The following GRIK1 variants were observed in gnomAD, a reference collection of about 807,000 sequenced individuals.
The protein encoded by GRIK1 is glutamate ionotropic receptor kainate type subunit 1.
Under a neutral mutation model 105.7 loss-of-function variants are expected in GRIK1, and 69 were observed. The ratio of observed to expected loss-of-function variants is 0.65; its 90% CI spans 0.54 to 0.80. GRIK1 has a LOEUF of 0.80. Among genes scored for constraint, GRIK1 ranks in the 30% least tolerant of loss-of-function variants. The pLI, the probability that GRIK1 is intolerant of heterozygous loss-of-function variation, is 0.00. For missense variants in GRIK1, 1,109 were observed against 1,167.3 expected (o/e 0.95, Z 0.73); for synonymous variants, 438 against 431.3 (o/e 1.02, Z -0.19).
chr21:29,732,888 A>G (rs1302184129), intron 1 of GRIK1, among the ~76,000 whole-genome samples: 1 of 152,186 alleles, frequency 6.6e-6, no homozygotes, highest in Non-Finnish European at 1.5e-5. Flanking sequence ...AACCAGCAAT[A>G]TCTGTGGTTA....
At chr21:29,876,867 A>G (rs907382354) in intron 1 of GRIK1, among the ~76,000 whole-genome samples, 3 of 152,144 alleles carry the variant, frequency 2.0e-5, no homozygotes, top group Non-Finnish European at 2.9e-5. Context: ...TGCTTCCTAG[A>G]AGAATCACTG....
At chr21:29,756,243 T>G (rs1195857905) in intron 1 of GRIK1, among the ~76,000 whole-genome samples, 1 of 151,850 alleles carries the variant, frequency 6.6e-6, no homozygotes, top group Non-Finnish European at 1.5e-5. Flanking sequence ...TTGTGTGGTG[T>G]AGTGGCGGGC....
intron 1 of GRIK1, among the ~76,000 whole-genome samples, chr21:29,938,950 A>C (rs2071871395): frequency 6.6e-6 from 1 of 152,090 alleles, no homozygotes; most frequent in Non-Finnish European, 1.5e-5. Flanking sequence ...AGATTCGTGC[A>C]TACTTGCCAG....
chr21:29,767,637 A>G (rs2065702457), intron 1 of GRIK1, among the ~76,000 whole-genome samples: 1 of 152,216 alleles, frequency 6.6e-6, no homozygotes, highest in African/African-American at 2.4e-5. Context: ...TACAGTAGGA[A>G]AGTCTCCAGC....
chr21:29,683,111 AT>A (rs1484718460), intron 3 of GRIK1, among the ~76,000 whole-genome samples: 1 of 152,212 alleles, frequency 6.6e-6, no homozygotes, highest in Non-Finnish European at 1.5e-5. Flanking sequence ...AATGGCTATT[AT>A]TAAAAAGTCA....
chr21:29,620,697 A>G (rs1473858699), intron 7 of GRIK1, among the ~76,000 whole-genome samples: 1 of 149,278 alleles, frequency 6.7e-6, no homozygotes, highest in African/African-American at 2.5e-5. Flanking sequence ...GGGGAAAGAC[A>G]CTGAAGTTAA....
At chr21:29,581,602 A>G in intron 12 of GRIK1, 59 bp from the exon 13 acceptor site, 1 of 943,974 alleles carries the variant, frequency 1.1e-6, no homozygotes, top group Non-Finnish European at 1.7e-6. Context: ...GACACCAGCA[A>G]AACCAAAACC....
intron 1 of GRIK1, among the ~76,000 whole-genome samples, chr21:29,738,516 TA>T (rs975400805): frequency 1.3e-5 from 2 of 152,184 alleles, no homozygotes; most frequent in African/African-American, 4.8e-5. Flanking sequence ...CTTGAAAGGG[TA>T]AAAGCAGAAA....
chr21:29,638,995 A>C (rs1311061965), intron 7 of GRIK1, among the ~76,000 whole-genome samples: 1 of 152,230 alleles, frequency 6.6e-6, no homozygotes, highest in African/African-American at 2.4e-5. Context: ...AAGTGTGATG[A>C]AATCTCAGAA....
chr21:29,816,996 AT>A (rs1792860124), intron 1 of GRIK1, among the ~76,000 whole-genome samples: 1 of 152,168 alleles, frequency 6.6e-6, no homozygotes, highest in South Asian at 2.1e-4. Flanking sequence ...AAATATGCTG[AT>A]TTGATCATTA....
At chr21:29,819,470 CTT>C (rs1228656078) in intron 1 of GRIK1, among the ~76,000 whole-genome samples, 1 of 151,576 alleles carries the variant, frequency 6.6e-6, no homozygotes, top group African/African-American at 2.4e-5. Flanking sequence ...ATGTTGTGTG[CTT>C]GTGTGTCTGT....
At chr21:29,670,229 C>G (rs776750945) in intron 4 of GRIK1, among the ~76,000 whole-genome samples, 1 of 152,130 alleles carries the variant, frequency 6.6e-6, no homozygotes, top group African/African-American at 2.4e-5. Flanking sequence ...AGCCTCACAG[C>G]CACTCTTAAC....
intron 4 of GRIK1, among the ~76,000 whole-genome samples, chr21:29,664,605 C>T (rs916764577): frequency 6.6e-6 from 1 of 151,452 alleles, no homozygotes. Flanking sequence ...GCACATAGAA[C>T]TCTACGGGCC....
Position 29,900,459 on chromosome 21 carries a change from C to CAAAAAAAAAAAAAAAAAAAAAAA in GRIK1, c.118+38923_118+38924insTTTTTTTTTTTTTTTTTTTTTTT, listed in dbSNP as rs746842761. On this transcript the variant is annotated intron_variant, in intron 1 of 17. Transcript: ENST00000327783. ...GAAGATCTACCAAACAAATGGAAAG[C>CAAAAAAAAAAAAAAAAAAAAAAA]AAGAAAAAAAAAAAAAAAAAGCAAG... is the stretch of plus-strand genomic sequence containing the variant. Among the ~76,000 whole-genome samples, 39 of 78,272 alleles carry CAAAAAAAAAAAAAAAAAAAAAAA rather than the reference C, an allele frequency of 5.0e-4. 2 individuals carry two copies. The highest frequency in any genetic ancestry group is 7.1e-4 in the African/African-American group (14 of 19,660). 51.3% of individuals were successfully genotyped at this position (78,272 alleles called of 152,430 possible).
chr21:29,640,279 C>T (rs1467228237), intron 7 of GRIK1, among the ~76,000 whole-genome samples: 3 of 152,100 alleles, frequency 2.0e-5, no homozygotes, highest in Non-Finnish European at 2.9e-5. Flanking sequence ...TGAAAAAACA[C>T]GTGCACTTTC....
At chr21:29,692,011 A>G (rs2063593656) in intron 2 of GRIK1, among the ~76,000 whole-genome samples, 1 of 152,198 alleles carries the variant, frequency 6.6e-6, no homozygotes, top group Non-Finnish European at 1.5e-5. Flanking sequence ...AAAGGAGAGT[A>G]TGGGAGTGTG....
intron 1 of GRIK1, among the ~76,000 whole-genome samples, chr21:29,928,419 C>A (rs557659327): frequency 1.3e-5 from 2 of 152,236 alleles, no homozygotes; most frequent in South Asian, 4.1e-4. Context: ...GGTAGGAGGA[C>A]AATAAAATCC....
chr21:29,613,815 G>A (rs189004962), intron 7 of GRIK1, among the ~76,000 whole-genome samples: 92 of 152,252 alleles, frequency 6.0e-4, no homozygotes, highest in African/African-American at 2.2e-3. Flanking sequence ...ATGTTGAAAT[G>A]CTCTCATCAT....
intron 2 of GRIK1, among the ~76,000 whole-genome samples, chr21:29,691,420 C>G (rs1201904317): frequency 1.3e-5 from 2 of 152,146 alleles, no homozygotes; most frequent in Non-Finnish European, 2.9e-5. Flanking sequence ...TTCTCTGAAT[C>G]TTGTGCTACT....
Sources: gnomAD v4.1 joint callset for allele counts (sites outside exome capture counted in the v4.1 genomes callset) on GRCh38, gnomAD v4.1.1 for gene constraint, MANE v1.5 for transcripts, NCBI Gene and HGNC (gene_info 2026-07-23, HGNC 2026-07-21) for gene names.